SLC44A5: variants seen among roughly 807,000 people sequenced by gnomAD.
SLC44A5 encodes the protein choline transporter-like protein 5.
Under a neutral mutation model 101.8 loss-of-function variants are expected in SLC44A5, and 57 were observed. That is an observed-to-expected ratio of 0.56 (90% CI 0.45 to 0.70). The LOEUF is 0.70. SLC44A5 is among the 30% of genes least tolerant of loss of function. The pLI is 0.00. For synonymous variants in SLC44A5, 281 were observed against 290.9 expected (o/e 0.97, Z 0.35); for missense variants, 737 against 853.1 (o/e 0.86, Z 1.70).
chr1:75,536,760 A>C (rs1367653692), intron 2 of SLC44A5, among the ~76,000 whole-genome samples: 3 of 146,352 alleles, frequency 2.0e-5, no homozygotes, highest in Non-Finnish European at 3.0e-5. Flanking sequence ...TAATCCCAGC[A>C]CTTTGGGAGG....
intron 6 of SLC44A5, among the ~76,000 whole-genome samples, chr1:75,258,352 A>C (rs1239072300): frequency 6.6e-6 from 1 of 151,976 alleles, no homozygotes; most frequent in Non-Finnish European, 1.5e-5. Context: ...GAGCTTCGTC[A>C]GGGAAGGGGT....
At chr1:75,455,325 A>C (rs1228853338) in intron 2 of SLC44A5, among the ~76,000 whole-genome samples, 1 of 152,192 alleles carries the variant, frequency 6.6e-6, no homozygotes, top group Non-Finnish European at 1.5e-5. Context: ...CAGAAGAGTG[A>C]AACTGGACTC....
chr1:75,657,277 G>C, the SLC44A5 span, among the ~76,000 whole-genome samples: 1 of 152,180 alleles, frequency 6.6e-6, no homozygotes, highest in African/African-American at 2.4e-5. Flanking sequence ...GGCCAGATGA[G>C]GTGGTTCATA....
At chr1:75,347,636 C>G (rs1271368399) in intron 3 of SLC44A5, among the ~76,000 whole-genome samples, 2 of 151,370 alleles carry the variant, frequency 1.3e-5, no homozygotes, top group African/African-American at 4.9e-5. Context: ...GAGAAAGAGA[C>G]AGAGAGAGAG....
chr1:75,647,970 T>C, the SLC44A5 span, among the ~76,000 whole-genome samples: 1 of 152,164 alleles, frequency 6.6e-6, no homozygotes, highest in East Asian at 1.9e-4. Context: ...CATAATTTTG[T>C]TTTGAAACGT....
At chr1:75,458,414 G>A (rs1007457400) in intron 2 of SLC44A5, among the ~76,000 whole-genome samples, 2 of 152,146 alleles carry the variant, frequency 1.3e-5, no homozygotes, top group African/African-American at 4.8e-5. Flanking sequence ...AATTACTGAA[G>A]AGTTTCAATT....
chr1:75,651,262 C>T, the SLC44A5 span, among the ~76,000 whole-genome samples: 1 of 152,162 alleles, frequency 6.6e-6, no homozygotes, highest in Admixed American at 6.5e-5. Context: ...ACGAGGAACT[C>T]ATAACAAGCA....
intron 2 of SLC44A5, among the ~76,000 whole-genome samples, chr1:75,473,470 A>G (rs547132001): frequency 2.6e-5 from 4 of 152,308 alleles, no homozygotes; most frequent in Non-Finnish European, 4.4e-5. Context: ...ACTGTGTCAG[A>G]CAATTTTTGG....
chr1:75,671,101 A>C, the SLC44A5 span, among the ~76,000 whole-genome samples: 1 of 152,164 alleles, frequency 6.6e-6, no homozygotes, highest in East Asian at 1.9e-4. Flanking sequence ...TGAGTAAGGT[A>C]AGGTAGGCAG....
chr1:75,528,525 A>G (rs1412357974), intron 2 of SLC44A5, among the ~76,000 whole-genome samples: 2 of 152,174 alleles, frequency 1.3e-5, no homozygotes, highest in Admixed American at 6.5e-5. Flanking sequence ...CATTTGTCAA[A>G]TGCAGGCAAA....
At chr1:75,387,917 T>C (rs1386892767) in intron 3 of SLC44A5, among the ~76,000 whole-genome samples, 5 of 148,326 alleles carry the variant, frequency 3.4e-5, no homozygotes, top group Non-Finnish European at 1.5e-5. Flanking sequence ...TGTAGGGACA[T>C]GGATGAAATT....
At chr1:75,252,779 G>A (rs1055577058) in intron 6 of SLC44A5, among the ~76,000 whole-genome samples, 1 of 152,190 alleles carries the variant, frequency 6.6e-6, no homozygotes, top group Admixed American at 6.6e-5. Flanking sequence ...GAGGCAGAAA[G>A]AGGGCAGCAG....
chr1:75,361,108 TTTG>T lies in SLC44A5; in HGVS notation c.53-21481_53-21479del, dbSNP rs1295502123. On this transcript the variant is annotated intron_variant, in intron 3 of 23. Coordinates refer to ENST00000370859, the MANE Select transcript of SLC44A5 (RefSeq NM_001130058.2). ...TTTTCTTCATTTCCTTTTGAAATAG[TTTG>T]TTATTTGTGTATAGAGGTGCTAATG... Among the ~76,000 whole-genome samples, 3 of 152,230 alleles carry T rather than the reference TTTG, an allele frequency of 2.0e-5. No homozygotes were observed. In the East Asian group the frequency reaches 5.8e-4, roughly 29 times the overall value.
chr1:75,575,000 T>C (rs946375468), intron 1 of SLC44A5, among the ~76,000 whole-genome samples: 5 of 152,032 alleles, frequency 3.3e-5, no homozygotes, highest in African/African-American at 1.2e-4. Flanking sequence ...GAAATCAAGG[T>C]CCAGTGAAGA....
At chr1:75,300,134 CT>C (rs1654332401) in intron 5 of SLC44A5, among the ~76,000 whole-genome samples, 1 of 151,018 alleles carries the variant, frequency 6.6e-6, no homozygotes, top group African/African-American at 2.4e-5. Flanking sequence ...TCTTTGCTAG[CT>C]ATCACTTGGG....
intron 4 of SLC44A5, among the ~76,000 whole-genome samples, chr1:75,330,525 C>T (rs923248223): frequency 6.6e-6 from 1 of 152,140 alleles, no homozygotes. Context: ...CAAGACTCTC[C>T]AATTGTGTTC....
intron 2 of SLC44A5, among the ~76,000 whole-genome samples, chr1:75,449,818 T>A (rs1274258763): frequency 2.0e-5 from 3 of 152,046 alleles, no homozygotes; most frequent in African/African-American, 7.2e-5. Context: ...CTGGCCAACA[T>A]GGTGAAACTT....
intron 1 of SLC44A5, among the ~76,000 whole-genome samples, chr1:75,598,629 A>T (rs1445552695): frequency 6.8e-6 from 1 of 146,024 alleles, no homozygotes; most frequent in Non-Finnish European, 1.5e-5. Context: ...TTGCAGGGAC[A>T]TGAATGGAGC....
chr1:75,368,067 A>G (rs1659979100), intron 3 of SLC44A5, among the ~76,000 whole-genome samples: 1 of 152,222 alleles, frequency 6.6e-6, no homozygotes, highest in South Asian at 2.1e-4. Flanking sequence ...ATTTTTTGTC[A>G]ATATTTATTG....
Sources: gnomAD v4.1 joint callset for allele counts (sites outside exome capture counted in the v4.1 genomes callset) on GRCh38, gnomAD v4.1.1 for gene constraint, MANE v1.5 for transcripts, NCBI Gene and HGNC (gene_info 2026-07-23, HGNC 2026-07-21) for gene names.